The following EYS variants were observed in gnomAD, a reference collection of about 807,000 sequenced individuals.
EYS encodes the protein EGF-like photoreceptor maintenance factor, also known as protein eyes shut homolog.
A neutral mutation model predicts 282.1 loss-of-function variants in EYS; 250 were observed. The ratio of observed to expected loss-of-function variants is 0.89; its 90% CI spans 0.80 to 0.98. EYS has a LOEUF of 0.98. Ranked by LOEUF, EYS falls within the 50% of genes least tolerant of loss-of-function variation. EYS has a pLI of 0.00. For synonymous variants in EYS, 1,355 were observed against 1,282.9 expected (o/e 1.06, Z -1.20); for missense variants, 4,016 against 3,709.0 (o/e 1.08, Z -2.15).
chr6:64,037,989 A>C (rs1384127657), intron 33 of EYS, among the ~76,000 whole-genome samples: 2 of 152,248 alleles, frequency 1.3e-5, no homozygotes, highest in African/African-American at 4.8e-5. Context: ...TTGAATAAAC[A>C]TCCAAAATGA....
chr6:64,373,606 A>C (rs1772461982), intron 29 of EYS, among the ~76,000 whole-genome samples: 1 of 152,080 alleles, frequency 6.6e-6, no homozygotes, highest in Non-Finnish European at 1.5e-5. Context: ...GGGTGTTTCC[A>C]AGGCAACAGG....
intron 12 of EYS, among the ~76,000 whole-genome samples, chr6:65,295,363 A>G (rs1452655640): frequency 6.6e-6 from 1 of 151,988 alleles, no homozygotes; most frequent in African/African-American, 2.4e-5. Context: ...CTTGTTCTCT[A>G]TGACTGTACA....
At chr6:64,069,757 A>C (rs1771505863) in intron 32 of EYS, among the ~76,000 whole-genome samples, 1 of 152,160 alleles carries the variant, frequency 6.6e-6, no homozygotes, top group African/African-American at 2.4e-5. Context: ...TAAGACACTT[A>C]AAATCCAGTG....
chr6:65,003,713 C>T (rs938616180), intron 13 of EYS, among the ~76,000 whole-genome samples: 16 of 146,650 alleles, frequency 1.1e-4, no homozygotes, highest in African/African-American at 2.9e-4. Context: ...TCAAGCCGGC[C>T]GGCACTTAAG....
At chr6:64,310,578 C>A (rs6932053) in intron 29 of EYS, among the ~76,000 whole-genome samples, 100,877 of 151,912 alleles carry the variant, frequency 0.66, 33,645 homozygotes, top group South Asian at 0.71. Context: ...AGGTCTATTG[C>A]CTATTGGAGG....
intron 36 of EYS, among the ~76,000 whole-genome samples, chr6:63,809,073 G>A (rs1283936653): frequency 6.6e-6 from 1 of 152,128 alleles, no homozygotes; most frequent in African/African-American, 2.4e-5. Context: ...CTTACTTCAA[G>A]GGGCTTTTTC....
At chr6:65,054,184 A>G (rs1461184217) in intron 13 of EYS, among the ~76,000 whole-genome samples, 1 of 152,032 alleles carries the variant, frequency 6.6e-6, no homozygotes, top group Non-Finnish European at 1.5e-5. Flanking sequence ...GTTAATTCTT[A>G]ACAATGCTGG....
At chr6:65,527,571 T>G (rs940153751) in intron 2 of EYS, among the ~76,000 whole-genome samples, 1 of 152,210 alleles carries the variant, frequency 6.6e-6, no homozygotes, top group Non-Finnish European at 1.5e-5. Flanking sequence ...AATGTCATGG[T>G]GGCACAAAAG....
intron 39 of EYS, among the ~76,000 whole-genome samples, chr6:63,781,139 T>A (rs555820477): frequency 6.6e-6 from 1 of 152,350 alleles, no homozygotes; most frequent in East Asian, 1.9e-4. Context: ...CCATGCTGTT[T>A]TGGTTACTGT....
At chr6:64,821,905 G>A (rs955738988) in intron 20 of EYS, among the ~76,000 whole-genome samples, 182 bp from the exon 21 acceptor site, 3 of 151,872 alleles carry the variant, frequency 2.0e-5, no homozygotes, top group Admixed American at 6.6e-5. Context: ...CTGAAAAAAC[G>A]GATCAATTTT....
chr6:64,553,547 C>A (rs1448862219), intron 26 of EYS, among the ~76,000 whole-genome samples: 5 of 69,592 alleles, frequency 7.2e-5, no homozygotes, highest in African/African-American at 2.9e-4. Context: ...TTTGTTTGAC[C>A]CCCCCCCCCC....
intron 15 of EYS, among the ~76,000 whole-genome samples, chr6:64,918,608 T>C (rs1039937520): frequency 4.6e-5 from 7 of 152,114 alleles, no homozygotes; most frequent in African/African-American, 1.7e-4. Context: ...AAGGGAGTAA[T>C]AAAGTACATC....
intron 12 of EYS, among the ~76,000 whole-genome samples, chr6:65,233,372 G>A (rs1418123344): frequency 1.3e-5 from 2 of 152,072 alleles, no homozygotes; most frequent in African/African-American, 2.4e-5. Context: ...TTTGCATAGT[G>A]ATTTGACTGA....
intron 29 of EYS, among the ~76,000 whole-genome samples, chr6:64,372,620 G>T (rs2150414811): frequency 6.6e-6 from 1 of 152,244 alleles, no homozygotes; most frequent in East Asian, 1.9e-4. Context: ...TTTCATGGAT[G>T]ATATCCTGAA....
intron 31 of EYS, among the ~76,000 whole-genome samples, chr6:64,217,437 G>C (rs1267166822): frequency 6.6e-6 from 1 of 152,134 alleles, no homozygotes; most frequent in East Asian, 1.9e-4. Context: ...GCTGAGACAG[G>C]AGAATCCCTT....
At chr6:64,078,048 A>T (rs1771833245) in intron 32 of EYS, among the ~76,000 whole-genome samples, 1 of 151,998 alleles carries the variant, frequency 6.6e-6, no homozygotes, top group Non-Finnish European at 1.5e-5. Context: ...AACATCAATT[A>T]GTTGGTGAGG....
chr6:65,156,596 G>C (rs1415217731), intron 12 of EYS, among the ~76,000 whole-genome samples: 1 of 150,900 alleles, frequency 6.6e-6, no homozygotes, highest in African/African-American at 2.4e-5. Flanking sequence ...TTATCTTACT[G>C]CTACCCTCTC....
chr6:65,266,055 C>G (rs1190489741), intron 12 of EYS, among the ~76,000 whole-genome samples: 1 of 151,772 alleles, frequency 6.6e-6, no homozygotes, highest in Non-Finnish European at 1.5e-5. Context: ...GTAAGAAATA[C>G]AGTATTATCC....
chr6:65,640,998 T>C (rs1767256579), intron 1 of EYS, among the ~76,000 whole-genome samples: 1 of 152,164 alleles, frequency 6.6e-6, no homozygotes. Flanking sequence ...GTCCTGTATA[T>C]ACTTTATTCT....
Sources: gnomAD v4.1 joint callset for allele counts (sites outside exome capture counted in the v4.1 genomes callset) on GRCh38, gnomAD v4.1.1 for gene constraint, MANE v1.5 for transcripts, NCBI Gene and HGNC (gene_info 2026-07-23, HGNC 2026-07-21) for gene names.